The following GNG7 variants were observed in gnomAD, a reference collection of about 807,000 sequenced individuals.
The protein encoded by GNG7 is G protein subunit gamma 7, also known as guanine nucleotide-binding protein G(I)/G(S)/G(O) subunit gamma-7.
GNG7 carries 1 observed loss-of-function variant against 4.0 expected under a neutral mutation model. The ratio of observed to expected loss-of-function variants is 0.25; its 90% CI spans 0.09 to 1.18. The LOEUF (loss-of-function observed/expected upper bound fraction) is 1.18. Ranked by LOEUF, GNG7 falls within the 50% of genes most tolerant of loss-of-function variation. GNG7 has a pLI of 0.50. For missense variants in GNG7, 86 were observed against 91.9 expected (o/e 0.94, Z 0.26); for synonymous variants, 34 against 36.9 (o/e 0.92, Z 0.29).
At chr19:2,547,419 C>T (rs1979165843) in intron 3 of GNG7, among the ~76,000 whole-genome samples, 1 of 152,042 alleles carries the variant, frequency 6.6e-6, no homozygotes, top group South Asian at 2.1e-4. Flanking sequence ...GACCCTTCCT[C>T]CCCCTTCACA....
chr19:2,540,246 G>A (rs901493462), intron 3 of GNG7, among the ~76,000 whole-genome samples: 1 of 151,840 alleles, frequency 6.6e-6, no homozygotes. Flanking sequence ...GAACTCCTGG[G>A]CCTAAGCCGT....
chr19:2,673,704 A>G (rs1404308705), intron 1 of GNG7, among the ~76,000 whole-genome samples: 14 of 151,508 alleles, frequency 9.2e-5, no homozygotes, highest in Admixed American at 2.0e-4. Flanking sequence ...AAAAAAAAAA[A>G]AAAGAAAGAA....
rs115466817 is a variant in GNG7 at position 2,547,892 on chromosome 19, G to A, written c.-38+7257C>T. ...GTGCTGCTGCTGTGCATGGGCACAC[G>A]TGGCCTGGTAGGCCCACCCCTCTGG... is the stretch of plus-strand genomic sequence containing the variant. On this transcript the variant is annotated intron_variant, in intron 3 of 4. Coordinates refer to ENST00000382159, the MANE Select transcript of GNG7 (RefSeq NM_052847.3). 7.6e-3 allele frequency among the ~76,000 whole-genome samples: 1,151 copies of A among 152,296 alleles called. 13 individuals carry two copies. Among genetic ancestry groups the A allele is most frequent in the African/African-American group, 0.026 (1,073 of 41,562 alleles).
chr19:2,568,391 CACAA>C (rs1267801472), intron 2 of GNG7, among the ~76,000 whole-genome samples: 4 of 115,372 alleles, frequency 3.5e-5, no homozygotes, highest in African/African-American at 9.0e-5. Context: ...ACATATACAA[CACAA>C]ACACACACAC....
At chr19:2,627,416 C>T (rs989839502) in intron 2 of GNG7, among the ~76,000 whole-genome samples, 1 of 152,174 alleles carries the variant, frequency 6.6e-6, no homozygotes, top group Non-Finnish European at 1.5e-5. Context: ...AGCCCTGTGG[C>T]CGCCTCTCCT....
rs184586518 is a variant in GNG7 at position 2,585,242 on chromosome 19, T to C, written c.-77-30054A>G. On this transcript the variant is annotated intron_variant, in intron 2 of 4. Transcript: ENST00000382159. ...CTGGAAATAAATTAATATGCATACA[T>C]GCACAATTACATACATATAATTCTG... 2.1e-3 allele frequency among the ~76,000 whole-genome samples: 322 copies of C among 152,312 alleles called. 1 individual carries two copies. Among genetic ancestry groups the C allele is most frequent in the African/African-American group, 7.3e-3 (304 of 41,562 alleles).
At chr19:2,579,051 T>A (rs992835287) in intron 2 of GNG7, among the ~76,000 whole-genome samples, 1 of 152,026 alleles carries the variant, frequency 6.6e-6, no homozygotes, top group African/African-American at 2.4e-5. Context: ...CGAAAAAACA[T>A]CCCAAGAATG....
At chr19:2,686,521 G>A (rs1983875767) in intron 1 of GNG7, among the ~76,000 whole-genome samples, 1 of 152,098 alleles carries the variant, frequency 6.6e-6, no homozygotes, top group Non-Finnish European at 1.5e-5. Flanking sequence ...CCGGCCCGGT[G>A]CCTGCTTGCT....
intron 1 of GNG7, among the ~76,000 whole-genome samples, chr19:2,665,373 G>C (rs899510082): frequency 2.3e-4 from 35 of 151,464 alleles, no homozygotes; most frequent in Middle Eastern, 3.4e-3. Context: ...GGGGGGGGGG[G>C]GCAGGATCAC....
intron 2 of GNG7, chr19:2,630,824 A>G (rs1419846889): frequency 6.6e-6 from 1 of 151,668 alleles, no homozygotes; most frequent in Non-Finnish European, 1.5e-5. Flanking sequence ...AATGGGTGTC[A>G]CTCTAAGCTA....
intron 2 of GNG7, among the ~76,000 whole-genome samples, chr19:2,640,101 G>T (rs1474231040): frequency 8.9e-6 from 1 of 111,766 alleles, no homozygotes; most frequent in Non-Finnish European, 1.9e-5. Context: ...AGGAAGGAGG[G>T]AGGGAAGGAG....
At chr19:2,696,816 G>C (rs1346039434) in intron 1 of GNG7, among the ~76,000 whole-genome samples, 4 of 152,190 alleles carry the variant, frequency 2.6e-5, no homozygotes. Context: ...AGGGGGTGGA[G>C]AGTCCCCCTC....
At chr19:2,619,197 G>A (rs984610868) in intron 2 of GNG7, among the ~76,000 whole-genome samples, 3 of 152,206 alleles carry the variant, frequency 2.0e-5, no homozygotes, top group Non-Finnish European at 4.4e-5. Flanking sequence ...GTCAGGACCA[G>A]AGAGTTTGAG....
chr19:2,681,416 C>G (rs1005124645), intron 1 of GNG7, among the ~76,000 whole-genome samples: 25 of 152,124 alleles, frequency 1.6e-4, no homozygotes, highest in African/African-American at 5.3e-4. Context: ...ATCTCCTGAC[C>G]TCATGATCCG....
intron 2 of GNG7, among the ~76,000 whole-genome samples, chr19:2,644,392 T>C (rs1982610529): frequency 8.7e-6 from 1 of 115,438 alleles, no homozygotes; most frequent in African/African-American, 3.1e-5. Flanking sequence ...ATGCTCTATC[T>C]ATACATGCAT....
At chr19:2,544,395 T>G (rs957413452) in intron 3 of GNG7, among the ~76,000 whole-genome samples, 4 of 152,106 alleles carry the variant, frequency 2.6e-5, no homozygotes, top group African/African-American at 9.7e-5. Context: ...CCGGGAGCCA[T>G]GAGGACCTCA....
intron 1 of GNG7, among the ~76,000 whole-genome samples, chr19:2,686,749 CTTTCT>C (rs939924448): frequency 3.4e-5 from 5 of 148,836 alleles, no homozygotes; most frequent in African/African-American, 1.2e-4. Context: ...TACTTTTTTT[CTTTCT>C]TTTTTTTTTT....
At chr19:2,619,892 T>C (rs1424796859) in intron 2 of GNG7, among the ~76,000 whole-genome samples, 1 of 151,788 alleles carries the variant, frequency 6.6e-6, no homozygotes, top group African/African-American at 2.4e-5. Context: ...CTGCACATTT[T>C]TAAAGGGTGA....
In GNG7 at chr19:2,530,705, G is replaced by C. The variant is rs180868319; in HGVS notation, c.-37-9980C>G. 7.9e-3 allele frequency among the ~76,000 whole-genome samples: 1,198 copies of C among 152,298 alleles called. 8 individuals are homozygous for C. Among genetic ancestry groups the C allele is most frequent in the Non-Finnish European group, 9.8e-3 (669 of 68,008 alleles). ...ACTGCACTCCAGCCTGGGTGACAGA[G>C]TGAGACCCTGTCTCAAAAAAGAAAG... On this transcript the variant is annotated intron_variant, in intron 3 of 4. Coordinates refer to ENST00000382159, the MANE Select transcript of GNG7 (RefSeq NM_052847.3).
Sources: allele counts gnomAD v4.1 joint callset (sites outside exome capture counted in the v4.1 genomes callset), GRCh38; gene constraint gnomAD v4.1.1; transcripts MANE v1.5; gene names NCBI Gene and HGNC (gene_info 2026-07-23, HGNC 2026-07-21).